The following GLIS3 variants were observed in gnomAD, a reference collection of about 807,000 sequenced individuals.
GLIS3 encodes the protein GLIS family zinc finger 3, also known as zinc finger protein GLIS3.
A neutral mutation model predicts 78.6 loss-of-function variants in GLIS3; 53 were observed. The ratio of observed to expected loss-of-function variants is 0.67; its 90% confidence interval spans 0.54 to 0.85. The LOEUF is 0.85. Among genes scored for constraint, GLIS3 ranks in the 40% least tolerant of loss-of-function variants. The probability of loss-of-function intolerance (pLI) is 0.00; values close to 1 mark genes in which losing one functional copy is unlikely to be tolerated. For synonymous variants in GLIS3, 684 were observed against 509.9 expected, an observed-to-expected ratio of 1.34 and a Z score of -4.60; for missense variants, 1,703 against 1,231.1, an observed-to-expected ratio of 1.38 and a Z score of -5.74.
At chr9:3,853,202 C>A (rs556242057) in intron 9 of GLIS3, among the ~76,000 whole-genome samples, 1 of 152,094 alleles carries the variant, frequency 6.6e-6, no homozygotes, top group East Asian at 1.9e-4. Context: ...AAGACCCTGT[C>A]TCTAAAAAGT....
rs527585228 is a variant in GLIS3, at chr9:4,320,399, A to C, written n.265-9871T>G. Among the ~76,000 whole-genome samples the C allele has an allele frequency of 2.0e-5, 3 of 152,300 alleles. No individual in the cohort carries two copies. In the East Asian group the frequency reaches 5.8e-4, roughly 29 times the overall value. ...GGCATCTTCAGTTCACCATGCCTCA[A>C]ACTGAACTCTTACTTTCCCCTTCCT... On this transcript the variant is annotated intron_variant and non_coding_transcript_variant, in intron 2 of 4. Coordinates refer to the GLIS3 transcript ENST00000471664.
intron 2 of GLIS3, among the ~76,000 whole-genome samples, chr9:4,150,676 C>G (rs1834609225): frequency 6.6e-6 from 1 of 152,196 alleles, no homozygotes; most frequent in Admixed American, 6.5e-5. Context: ...AAAGATGTAT[C>G]TCTGCCCCCA....
the GLIS3 span, among the ~76,000 whole-genome samples, chr9:4,452,427 C>T: frequency 1.3e-5 from 2 of 152,136 alleles, no homozygotes; most frequent in Non-Finnish European, 2.9e-5. Flanking sequence ...GGAAACCCCA[C>T]TGTCTCAGCC....
At chr9:3,855,924 G>A (rs191695967) in intron 9 of GLIS3, 85 bp downstream of exon 9, 186 of 1,451,940 alleles carry the variant, frequency 1.3e-4, no homozygotes, top group Non-Finnish European at 1.7e-4. Flanking sequence ...CAGAGCATCT[G>A]AAATCCACGA....
the GLIS3 span, among the ~76,000 whole-genome samples, chr9:4,403,329 A>T: frequency 1.3e-5 from 2 of 152,228 alleles, no homozygotes; most frequent in African/African-American, 4.8e-5. Context: ...TCAGTCTGAA[A>T]GAAAGGGATG....
the GLIS3 span, among the ~76,000 whole-genome samples, chr9:4,473,460 C>CAAAAAAAAAAAAAAAAAAAAAAAAAAAAA: frequency 1.5e-5 from 2 of 131,314 alleles, no homozygotes; most frequent in African/African-American, 2.7e-5. Context: ...ACAACAACAA[C>CAAAAAAAAAAAAAAAAAAAAAAAAAAAAA]AAAAAAAAAG....
intron 2 of GLIS3, among the ~76,000 whole-genome samples, chr9:4,166,900 G>A (rs778234661): frequency 6.6e-6 from 1 of 152,146 alleles, no homozygotes; most frequent in Non-Finnish European, 1.5e-5. Context: ...AGAGATGAGA[G>A]GAAGGAAGGG....
intron 2 of GLIS3, among the ~76,000 whole-genome samples, chr9:4,238,790 C>T (rs867127251): frequency 6.6e-5 from 10 of 152,094 alleles, no homozygotes; most frequent in Admixed American, 1.3e-4. Context: ...GCACTAATGT[C>T]CCAAAGCATT....
chr9:4,041,940 T>C (rs913916533), intron 4 of GLIS3, among the ~76,000 whole-genome samples: 1 of 152,176 alleles, frequency 6.6e-6, no homozygotes, highest in Admixed American at 6.6e-5. Context: ...TGCTTTAGTG[T>C]AATTCTGGAC....
intron 4 of GLIS3, among the ~76,000 whole-genome samples, chr9:4,066,844 C>T (rs1827141973): frequency 6.6e-6 from 1 of 152,152 alleles, no homozygotes; most frequent in African/African-American, 2.4e-5. Context: ...TGTGGGACGC[C>T]CAGTGGCACT....
rs115133681 is a variant in GLIS3, at chr9:3,944,870, G to A, written c.1711-7681C>T. Among the ~76,000 whole-genome samples, 667 of 152,328 alleles carry A rather than the reference G, an allele frequency of 4.4e-3. 10 individuals carry two copies. The highest frequency in any genetic ancestry group is 0.015 in the African/African-American group (642 of 41,570). On this transcript the variant is annotated intron_variant, in intron 4 of 10. Coordinates refer to ENST00000381971, the MANE Select transcript of GLIS3 (RefSeq NM_001042413.2). Reference sequence around the variant, plus strand: ...AGGGCATGGCAGCAGCATTTGCTGAGGGCTTTCATACTGTGTCGTATCATG... The same window carrying A: ...AGGGCATGGCAGCAGCATTTGCTGAAGGCTTTCATACTGTGTCGTATCATG...
chr9:3,906,841 C>T (rs913621134), intron 6 of GLIS3, among the ~76,000 whole-genome samples: 1 of 152,206 alleles, frequency 6.6e-6, no homozygotes, highest in Non-Finnish European at 1.5e-5. Flanking sequence ...TACCACGTAC[C>T]ATAAATGCAT....
chr9:3,962,211 C>T (rs1259997758), intron 4 of GLIS3, among the ~76,000 whole-genome samples: 2 of 151,284 alleles, frequency 1.3e-5, no homozygotes, highest in East Asian at 1.9e-4. Flanking sequence ...CAGAGTGAGG[C>T]CTTGTTTCAA....
At chr9:3,879,799 C>T (rs548314805) in intron 7 of GLIS3, among the ~76,000 whole-genome samples, 3 of 152,156 alleles carry the variant, frequency 2.0e-5, no homozygotes, top group South Asian at 2.1e-4. Flanking sequence ...ACGTCTGGCT[C>T]GCTTCAGGCT....
intron 4 of GLIS3, among the ~76,000 whole-genome samples, chr9:4,015,075 A>T (rs986053878): frequency 6.6e-6 from 1 of 152,234 alleles, no homozygotes; most frequent in Non-Finnish European, 1.5e-5. Context: ...GCTATAGAGA[A>T]AACATAGTGT....
the GLIS3 span, among the ~76,000 whole-genome samples, chr9:4,374,978 G>T: frequency 6.8e-6 from 1 of 147,266 alleles, no homozygotes; most frequent in African/African-American, 2.5e-5. Context: ...ACAGTTTGCC[G>T]CTAGATGATT....
intron 2 of GLIS3, among the ~76,000 whole-genome samples, chr9:4,184,567 A>G (rs1817602698): frequency 6.6e-6 from 1 of 152,184 alleles, no homozygotes; most frequent in African/African-American, 2.4e-5. Flanking sequence ...CTGGTCTGCA[A>G]TAAGCATGAT....
chr9:4,362,272 C>T, the GLIS3 span, among the ~76,000 whole-genome samples: 38 of 152,186 alleles, frequency 2.5e-4, 1 homozygote, highest in East Asian at 7.0e-3. Context: ...TTCTTTTTAC[C>T]TACTTTCCTT....
At chr9:3,884,073 A>AGAT (rs1454824580) in intron 7 of GLIS3, among the ~76,000 whole-genome samples, 24 of 152,246 alleles carry the variant, frequency 1.6e-4, no homozygotes, top group African/African-American at 5.8e-4. Flanking sequence ...TGTGGTTCTC[A>AGAT]GATGCCATCT....
Sources: allele counts gnomAD v4.1 joint callset (sites outside exome capture counted in the v4.1 genomes callset), GRCh38; gene constraint gnomAD v4.1.1; transcripts MANE v1.5; gene names NCBI Gene and HGNC (gene_info 2026-07-23, HGNC 2026-07-21).